GPRC5C: variants seen among roughly 807,000 people sequenced by gnomAD.
GPRC5C encodes the protein G protein-coupled receptor family C group 5 member C.
In GPRC5C, 22 loss-of-function variants were observed where a neutral mutation model predicts 31.4. The ratio of observed to expected loss-of-function variants is 0.70; its 90% CI spans 0.50 to 1.00. The LOEUF (loss-of-function observed/expected upper bound fraction) is 1.00, where lower values mean the gene tolerates loss of function less well. Ranked by LOEUF, GPRC5C falls within the 50% of genes least tolerant of loss-of-function variation. GPRC5C has a pLI of 0.00. For synonymous variants in GPRC5C, 249 were observed against 257.5 expected (o/e 0.97, Z 0.32); for missense variants, 557 against 597.2 (o/e 0.93, Z 0.70).
At chr17:74,448,995 C>G (rs1000093808), downstream of GPRC5C, 1 of 927,788 alleles carries the variant, frequency 1.1e-6, no homozygotes, top group African/African-American at 1.7e-5. Flanking sequence ...TGGCTCAAGA[C>G]TTTGCCAGGG....
intron 1 of GPRC5C, among the ~76,000 whole-genome samples, chr17:74,437,730 A>G (rs2055454728): frequency 6.6e-6 from 1 of 150,674 alleles, no homozygotes; most frequent in Non-Finnish European, 1.5e-5. Context: ...GTAGCCAGGA[A>G]TGGTAGAAAA....
intron 3 of GPRC5C, 57 bp from the exon 4 acceptor site, chr17:74,446,792 C>A (rs2055642582): frequency 2.9e-6 from 4 of 1,383,492 alleles, no homozygotes; most frequent in Middle Eastern, 3.6e-4. Context: ...GTGCATCCGC[C>A]CCGGCGGAAC....
chr17:74,448,773 T>G (rs2144458212), downstream of GPRC5C: 1 of 729,016 alleles, frequency 1.4e-6, no homozygotes, highest in Admixed American at 2.3e-5. Context: ...AACTGTACCA[T>G]TTTGGGGTGA....
At chr17:74,437,661 G>C (rs2055453684) in intron 1 of GPRC5C, among the ~76,000 whole-genome samples, 1 of 120,898 alleles carries the variant, frequency 8.3e-6, no homozygotes, top group Non-Finnish European at 1.5e-5. Flanking sequence ...GTGTTGAAAA[G>C]AGGGACAATT....
At chr17:74,436,245 A>G (rs1598427065) in intron 1 of GPRC5C, among the ~76,000 whole-genome samples, 1 of 152,120 alleles carries the variant, frequency 6.6e-6, no homozygotes, top group South Asian at 2.1e-4. Flanking sequence ...CTTGGGCTCA[A>G]AGGGCTTTGA....
At chr17:74,441,567 G>A (rs886887522) in intron 2 of GPRC5C, among the ~76,000 whole-genome samples, 21 of 152,200 alleles carry the variant, frequency 1.4e-4, no homozygotes, top group Non-Finnish European at 2.9e-5. Context: ...GCTCACACCT[G>A]TAATCCCAGC....
Position 74,439,838 on chromosome 17 carries a change from C to T in GPRC5C, c.62C>T (p.Ala21Val). 1.2e-6 allele frequency: 2 copies of T among 1,613,548 alleles called. No homozygotes were observed. The highest frequency in any genetic ancestry group is 1.7e-6 in the Non-Finnish European group (2 of 1,179,994). ...LGLPLFLFPGAWAQGHVPPGC... is the reference protein window; with the variant it reads ...LGLPLFLFPGVWAQGHVPPGC... ...CTGCCTCTCTTCCTGTTCCCAGGGG[C>T]CTGGGCCCAGGGCCATGTCCCACCC... The change falls in exon 2 of 4, where the codon GCC (alanine) becomes GTC (valine). Residue 21 changes from alanine (A) to valine (V), a missense_variant. Transcript: ENST00000392627.
In GPRC5C at chr17:74,440,474, G is replaced by A; in HGVS notation, c.698G>A (p.Gly233Asp). ...CTGGGGGCCTGGCCCGCCCTGTGTG[G>A]CCGCTACAAGCGCTGGCGTAAGCAT... ...AFLGAWPALC[G>D]RYKRWRKHGV... Residue 233 changes from glycine (G) to aspartate (D), a missense_variant, in exon 2 of 4, where the codon GGC (glycine) becomes GAC (aspartate). Transcript: ENST00000392627. This position sits in a 1 kb window ranked among gnomAD's most constrained non-coding sequence, Gnocchi z 4.4. 6.2e-7 allele frequency: 1 copy of A among 1,614,118 alleles called. No individual in the cohort carries two copies. Among genetic ancestry groups the A allele is most frequent in the Non-Finnish European group, 8.5e-7 (1 of 1,180,034 alleles).
At chr17:74,438,820 G>A (rs7222873) in intron 1 of GPRC5C, among the ~76,000 whole-genome samples, 18,554 of 152,164 alleles carry the variant, frequency 0.12, 3,406 homozygotes, top group African/African-American at 0.4. Flanking sequence ...TCCACTTCAC[G>A]TGGGAAAATC....
chr17:74,432,591 G>C, intron 1 of GPRC5C: 1 of 844,980 alleles, frequency 1.2e-6, no homozygotes, highest in Non-Finnish European at 1.4e-6. Context: ...GAGTGGGCGA[G>C]GGCAGAGGCG....
At chr17:74,438,206 CATATATATATATATATATATATATAT>C (rs71157066) in intron 1 of GPRC5C, among the ~76,000 whole-genome samples, 1,060 of 45,272 alleles carry the variant, frequency 0.023, 71 homozygotes, top group African/African-American at 0.1. Context: ...TCTGCTAATT[CATATATATATATATATATATATATAT>C]ATATATATAT....
At chr17:74,443,973 C>G in intron 3 of GPRC5C, 61 bp downstream of exon 3, 1 of 1,175,888 alleles carries the variant, frequency 8.5e-7, no homozygotes, top group Non-Finnish European at 1.3e-6. Flanking sequence ...CCTCAGCAGG[C>G]CAGTGGGAGA....
rs2055440911 is a variant in GPRC5C, at chr17:74,436,933, G to A, written c.-32-2812G>A. Among the ~76,000 whole-genome samples, 3 of 152,212 alleles carry A rather than the reference G, an allele frequency of 2.0e-5. No homozygotes were observed. In the South Asian group the frequency reaches 6.2e-4, roughly 32 times the overall value. On this transcript the variant is annotated intron_variant, in intron 1 of 3. Coordinates refer to ENST00000392627, the MANE Select transcript of GPRC5C (RefSeq NM_022036.4). ...ACGCCTTCCCTTTTTTGTTGTTGTT[G>A]TTGTTGTCGTTGTTGTTTTTGGTTT...
chr17:74,434,291 T>C (rs2055400603), intron 1 of GPRC5C, among the ~76,000 whole-genome samples: 1 of 152,128 alleles, frequency 6.6e-6, no homozygotes, highest in Non-Finnish European at 1.5e-5. Context: ...CCTCTGAGAA[T>C]CTTTAAGCAG....
At chr17:74,447,657 C>T (rs181943417), downstream of GPRC5C, among the ~76,000 whole-genome samples, 19 of 152,358 alleles carry the variant, frequency 1.2e-4, no homozygotes, top group East Asian at 3.3e-3. Context: ...AACACCCAGG[C>T]TCAGTGCGTG....
In GPRC5C at chr17:74,439,851, C is replaced by T. The variant is rs2055497786; in HGVS notation, c.75C>T (p.Gly25=). The T allele has an allele frequency of 6.2e-7, 1 of 1,613,352 alleles. No individual in the cohort carries two copies. Among genetic ancestry groups the T allele is most frequent in the African/African-American group, 1.3e-5 (1 of 74,940 alleles). ...LFLFPGAWAQ[G]HVPPGCSQGL... ...TGTTCCCAGGGGCCTGGGCCCAGGGCCATGTCCCACCCGGCTGCAGCCAAG... is the reference window on the plus strand; with the variant it reads ...TGTTCCCAGGGGCCTGGGCCCAGGGTCATGTCCCACCCGGCTGCAGCCAAG... The change falls in exon 2 of 4, where the codon GGC becomes GGT. Residue 25 remains glycine, a synonymous_variant. Transcript: ENST00000392627.
In GPRC5C at chr17:74,440,053, T is replaced by C. The variant is rs367986345; in HGVS notation, c.277T>C (p.Phe93Leu). 1.3e-5 allele frequency: 21 copies of C among 1,612,476 alleles called. No individual in the cohort carries two copies. The highest frequency in any genetic ancestry group is 6.7e-5 in the Admixed American group (4 of 60,014). ...GAGCCTGCTGGGGACCCAGGTATTC[T>C]TCCTTCTGGGGACCCTGGGCCTCTT... ...KRSLLGTQVF[F>L]LLGTLGLFCL... The change falls in exon 2 of 4, where the codon TTC (phenylalanine) becomes CTC (leucine). Residue 93 changes from phenylalanine (F) to leucine (L), a missense_variant. Transcript: ENST00000392627. This position sits in a 1 kb window ranked among gnomAD's most constrained non-coding sequence, Gnocchi z 4.4.
intron 1 of GPRC5C, among the ~76,000 whole-genome samples, chr17:74,438,796 T>C (rs1024376189): frequency 1.3e-5 from 2 of 152,242 alleles, no homozygotes; most frequent in African/African-American, 4.8e-5. Context: ...TCTTAACCTG[T>C]TAAATCCATT....
Position 74,433,837 on chromosome 17 carries a change from G to A in GPRC5C, c.-33+1696G>A. On this transcript the variant is annotated intron_variant, in intron 1 of 3. Transcript: ENST00000392627. The stretch of plus-strand genomic sequence containing the variant: ...GGTATCCTTGGCCCTGGTGGGTGGA[G>A]GGGGTCTCAGGCTTGTGTGTGGATG... 7 of 1,009,536 alleles carry A rather than the reference G, an allele frequency of 6.9e-6. No homozygotes were observed. The South Asian group carries it at 7.6e-5, about 11-fold the overall frequency. The allele number at this position is 1,009,536 out of a possible 1,614,324, so 62.5% of individuals were successfully genotyped here.
Sources: allele counts gnomAD v4.1 joint callset (sites outside exome capture counted in the v4.1 genomes callset), GRCh38; gene constraint gnomAD v4.1.1; non-coding constraint Gnocchi (gnomAD v3.1); transcripts MANE v1.5; gene names NCBI Gene and HGNC (gene_info 2026-07-23, HGNC 2026-07-21).